HERC4: variants seen among roughly 807,000 people sequenced by gnomAD.
HERC4 encodes HECT and RLD domain containing E3 ubiquitin protein ligase 4.
In HERC4, 28 loss-of-function variants were observed where a neutral mutation model predicts 124.3. That is an observed-to-expected ratio of 0.23 (90% CI 0.17 to 0.31). HERC4 has a LOEUF of 0.31. HERC4 is among the 10% of genes least tolerant of loss of function. The pLI, the probability that HERC4 is intolerant of heterozygous loss-of-function variation, is 1.00. For missense variants in HERC4, 713 were observed against 1,229.3 expected, an observed-to-expected ratio of 0.58 and a Z score of 6.28; for synonymous variants, 407 against 421.5, an observed-to-expected ratio of 0.97 and a Z score of 0.42.
chr10:68,004,017 T>C (rs905347401), intron 9 of HERC4, among the ~76,000 whole-genome samples: 4 of 149,572 alleles, frequency 2.7e-5, no homozygotes, highest in African/African-American at 9.7e-5. Flanking sequence ...AGCATGTTAT[T>C]GCCCTCTTTC....
intron 5 of HERC4, among the ~76,000 whole-genome samples, chr10:68,037,632 TTA>T (rs1446535413): frequency 6.6e-6 from 1 of 152,108 alleles, no homozygotes; most frequent in Non-Finnish European, 1.5e-5. Flanking sequence ...TTTTAACTGT[TTA>T]ATAAACAGAC....
At chr10:68,036,267 G>T (rs1033986175) in intron 5 of HERC4, among the ~76,000 whole-genome samples, 44 of 149,766 alleles carry the variant, frequency 2.9e-4, no homozygotes, top group Non-Finnish European at 5.6e-4. Context: ...GCAGTGAGCC[G>T]AGATCATGCC....
At chr10:67,970,035 C>T (rs2035135847) in intron 15 of HERC4, among the ~76,000 whole-genome samples, 1 of 152,138 alleles carries the variant, frequency 6.6e-6, no homozygotes, top group African/African-American at 2.4e-5. Context: ...TTTGACACCC[C>T]ACTTCCACCC....
At chr10:68,029,919 T>C (rs919089411) in intron 7 of HERC4, among the ~76,000 whole-genome samples, 2 of 151,230 alleles carry the variant, frequency 1.3e-5, no homozygotes, top group Non-Finnish European at 2.9e-5. Flanking sequence ...TTTGTATTTT[T>C]AGTAGAGACA....
At chr10:68,029,031 A>C (rs980237531) in intron 7 of HERC4, among the ~76,000 whole-genome samples, 1 of 152,118 alleles carries the variant, frequency 6.6e-6, no homozygotes, top group Non-Finnish European at 1.5e-5. Context: ...TAAAAAAATT[A>C]GCCAGGCACA....
chr10:67,992,189 C>T lies in HERC4; in HGVS notation c.1271+10G>A. ...GAGCCACTGTGCCTGGCCCAAAATGCTTTTCTTACTTGGCTATCTCCACAG... is the reference window on the plus strand; with the variant it reads ...GAGCCACTGTGCCTGGCCCAAAATGTTTTTCTTACTTGGCTATCTCCACAG... On this transcript the variant is annotated intron_variant, in intron 11 of 24. Coordinates refer to ENST00000373700, the MANE Select transcript of HERC4 (RefSeq NM_015601.4). 6.8e-6 allele frequency: 11 copies of T among 1,612,628 alleles called. No individual in the cohort carries two copies. The highest frequency in any genetic ancestry group is 8.5e-6 in the Non-Finnish European group (10 of 1,179,398).
intron 15 of HERC4, among the ~76,000 whole-genome samples, chr10:67,975,205 T>G (rs1225187601): frequency 2.6e-5 from 4 of 151,830 alleles, no homozygotes; most frequent in African/African-American, 9.7e-5. Flanking sequence ...AAAAAAAAAT[T>G]CACTCAAATT....
At chr10:67,953,826 A>G (rs1404176700) in intron 19 of HERC4, among the ~76,000 whole-genome samples, 1 of 152,208 alleles carries the variant, frequency 6.6e-6, no homozygotes, top group Non-Finnish European at 1.5e-5. Context: ...CTAATAAATG[A>G]AAAAGAAATA....
intron 15 of HERC4, among the ~76,000 whole-genome samples, chr10:67,986,376 G>A (rs919946662): frequency 1.1e-4 from 17 of 151,880 alleles, no homozygotes; most frequent in African/African-American, 2.9e-4. Flanking sequence ...TTTTTGAGAC[G>A]GAGTCTCACT....
At chr10:68,059,589 ATAT>A (rs1491090390) in intron 3 of HERC4, among the ~76,000 whole-genome samples, 1 of 96,444 alleles carries the variant, frequency 1.0e-5, no homozygotes, top group African/African-American at 5.1e-5. Flanking sequence ...ATTATATATC[ATAT>A]TATATATCAT....
chr10:68,059,678 TATC>T (rs1442364326), intron 3 of HERC4, among the ~76,000 whole-genome samples: 1 of 69,118 alleles, frequency 1.4e-5, no homozygotes, highest in Non-Finnish European at 2.1e-5. Context: ...TTATATTATA[TATC>T]ATAATATTAT....
intron 14 of HERC4, among the ~76,000 whole-genome samples, chr10:67,989,343 A>G (rs2036432364): frequency 6.6e-6 from 1 of 152,058 alleles, no homozygotes; most frequent in South Asian, 2.1e-4. Flanking sequence ...AGTGTAACAT[A>G]TGGGTCCTTC....
chr10:68,020,420 G>GA (rs1012791477), intron 8 of HERC4, among the ~76,000 whole-genome samples: 178 of 143,332 alleles, frequency 1.2e-3, no homozygotes, highest in African/African-American at 3.5e-3. Context: ...CGTGTAAAAA[G>GA]AAAAAAAAAA....
At chr10:68,069,865 A>AT in intron 3 of HERC4, 1 of 467,956 alleles carries the variant, frequency 2.1e-6, no homozygotes, top group Non-Finnish European at 2.8e-6. Context: ...ACACGGTGAA[A>AT]CCCCGTCCCT....
In HERC4 at chr10:68,003,905, C is replaced by A. The variant is rs1206501449; in HGVS notation, c.1069+10121G>T. 3.3e-5 allele frequency among the ~76,000 whole-genome samples: 5 copies of A among 152,242 alleles called. No individual in the cohort carries two copies. The East Asian group carries it at 9.7e-4, about 29-fold the overall frequency. On this transcript the variant is annotated intron_variant, in intron 9 of 24. Coordinates refer to ENST00000373700, the MANE Select transcript of HERC4 (RefSeq NM_015601.4). ...ATGGATCATCTGATAGTTCTATTTT[C>A]AGTTTTTTTAAGGAATCTCCATACT...
intron 3 of HERC4, among the ~76,000 whole-genome samples, chr10:68,055,562 TA>T (rs1439782525): frequency 1.3e-5 from 2 of 152,218 alleles, no homozygotes; most frequent in African/African-American, 4.8e-5. Context: ...TTTAATTACT[TA>T]ATCTTATTTA....
chr10:68,031,987 G>C (rs1022386397), intron 7 of HERC4, among the ~76,000 whole-genome samples: 5 of 152,124 alleles, frequency 3.3e-5, no homozygotes, highest in African/African-American at 4.8e-5. Flanking sequence ...CCTGACCACA[G>C]GTGATCCACC....
intron 3 of HERC4, among the ~76,000 whole-genome samples, chr10:68,052,732 G>A (rs185305752): frequency 1.8e-4 from 27 of 152,264 alleles, no homozygotes; most frequent in Admixed American, 3.9e-4. Flanking sequence ...CATTGTGTAA[G>A]AGTTCACTTA....
chr10:68,061,176 A>C (rs1417921572), intron 3 of HERC4, among the ~76,000 whole-genome samples: 1 of 152,158 alleles, frequency 6.6e-6, no homozygotes, highest in East Asian at 1.9e-4. Flanking sequence ...AGTGGAACCA[A>C]AAGCAACTTA....
Sources: allele counts gnomAD v4.1 joint callset (sites outside exome capture counted in the v4.1 genomes callset), GRCh38; gene constraint gnomAD v4.1.1; transcripts MANE v1.5; gene names NCBI Gene and HGNC (gene_info 2026-07-23, HGNC 2026-07-21).